LRIG1: variants seen among roughly 807,000 people sequenced by gnomAD.
The protein encoded by LRIG1 is leucine-rich repeats and immunoglobulin-like domains protein 1.
LRIG1 carries 48 observed loss-of-function variants against 99.2 expected under a neutral mutation model. The observed-to-expected ratio is 0.48, with a 90% CI of 0.38 to 0.62. The LOEUF is 0.62. Ranked by LOEUF, LRIG1 falls within the 20% of genes least tolerant of loss-of-function variation. LRIG1 has a pLI of 0.00. For missense variants in LRIG1, 1,646 were observed against 1,434.4 expected, an observed-to-expected ratio of 1.15 and a Z score of -2.38; for synonymous variants, 772 against 596.1, an observed-to-expected ratio of 1.29 and a Z score of -4.30.
At chr3:66,454,699 A>G (rs1317609637) in intron 2 of LRIG1, among the ~76,000 whole-genome samples, 1 of 152,202 alleles carries the variant, frequency 6.6e-6, no homozygotes, top group African/African-American at 2.4e-5. Flanking sequence ...TAGCTAAGGT[A>G]AAAGGATTCC....
At chr3:66,449,954 G>A (rs1703847072) in intron 3 of LRIG1, among the ~76,000 whole-genome samples, 1 of 152,210 alleles carries the variant, frequency 6.6e-6, no homozygotes, top group Non-Finnish European at 1.5e-5. Flanking sequence ...CAAGCTCGAA[G>A]CTAACTCAAT....
intron 1 of LRIG1, among the ~76,000 whole-genome samples, chr3:66,475,687 A>T (rs187532634): frequency 6.6e-6 from 1 of 152,246 alleles, no homozygotes; most frequent in Non-Finnish European, 1.5e-5. Context: ...TTAAGCTCAC[A>T]TAAGCACAGG....
intron 3 of LRIG1, among the ~76,000 whole-genome samples, chr3:66,420,940 A>C (rs972468281): frequency 6.6e-6 from 1 of 152,234 alleles, no homozygotes; most frequent in Non-Finnish European, 1.5e-5. Context: ...TCATGGCAGA[A>C]GGCAAAGAAG....
At position 66,466,310 on chromosome 3, in the gene LRIG1, T is replaced by C. The variant is rs6767757; in HGVS notation, c.219-3801A>G. On this transcript the variant is annotated intron_variant, in intron 1 of 18. Coordinates refer to ENST00000273261, the MANE Select transcript of LRIG1 (RefSeq NM_015541.3). ...CTCCCACCTCAGCCTCCCAAAGTGA[T>C]AGGATTACCGGAGTAAGCCACTGCA... 5.1e-3 allele frequency among the ~76,000 whole-genome samples: 783 copies of C among 152,312 alleles called. 3 individuals are homozygous for C. Among genetic ancestry groups the C allele is most frequent in the African/African-American group, 0.018 (731 of 41,570 alleles).
intron 2 of LRIG1, among the ~76,000 whole-genome samples, chr3:66,459,017 A>AC (rs1166170821): frequency 1.3e-5 from 2 of 151,484 alleles, no homozygotes; most frequent in Admixed American, 1.3e-4. Flanking sequence ...TCCATCTCAA[A>AC]AAAAAAAAAA....
chr3:66,425,710 AGT>A lies in LRIG1; in HGVS notation c.366-8446_366-8445del, dbSNP rs148035869. ...TTCTGCACTTATGGGGACCGGGGGA[AGT>A]GTGTGGTGGCCAGGTCACGTGGCAT... On this transcript the variant is annotated intron_variant, in intron 3 of 18. Transcript: ENST00000273261. Among the ~76,000 whole-genome samples the A allele has an allele frequency of 7.5e-3, 1,147 of 152,310 alleles. 18 individuals carry two copies. The highest frequency in any genetic ancestry group is 0.026 in the African/African-American group (1,095 of 41,568).
rs571530193 is a variant in LRIG1, at chr3:66,434,226, T to C, written c.366-16960A>G. On this transcript the variant is annotated intron_variant, in intron 3 of 18. Transcript: ENST00000273261. ...GTATCCAGAATATATATCCAGACTA[T>C]ACAAACATCTCACAAAACTCAAGAG... Among the ~76,000 whole-genome samples, 3 of 152,212 alleles carry C rather than the reference T, an allele frequency of 2.0e-5. No individual in the cohort carries two copies. In the East Asian group the frequency reaches 5.8e-4, roughly 29 times the overall value.
chr3:66,440,024 G>GA (rs371568086), intron 3 of LRIG1, among the ~76,000 whole-genome samples: 273 of 151,994 alleles, frequency 1.8e-3, no homozygotes, highest in African/African-American at 6.3e-3. Context: ...GAAAGAGGGG[G>GA]AAAAAAAGGA....
At chr3:66,405,947 T>G in intron 8 of LRIG1, 2 of 997,176 alleles carry the variant, frequency 2.0e-6, no homozygotes, top group Non-Finnish European at 2.4e-6. Context: ...GCTTCCCAGC[T>G]TCCAGGAGCA....
Position 66,462,513 on chromosome 3 carries a change from GT to G in LRIG1, c.219-5del, listed in dbSNP as rs778484555. On this transcript the variant is annotated splice_region_variant and splice_polypyrimidine_tract_variant and intron_variant, in intron 1 of 18. Transcript: ENST00000273261. The stretch of plus-strand genomic sequence containing the variant: ...GAGTTTGTTGTAACTCAGGTTTCTG[GT>G]AAAGACAGAGAGAGAAAAAAACGGA... 1.2e-6 allele frequency: 2 copies of G among 1,607,900 alleles called. No homozygotes were observed. The highest frequency in any genetic ancestry group is 3.4e-5 in the Admixed American group (2 of 59,560).
intron 8 of LRIG1, among the ~76,000 whole-genome samples, chr3:66,406,802 C>T (rs766700455): frequency 1.4e-4 from 22 of 152,114 alleles, no homozygotes; most frequent in Non-Finnish European, 4.4e-5. Context: ...TGACCCCCGA[C>T]GAGGTACAAG....
rs755071993 is a variant in LRIG1 at position 66,451,572 on chromosome 3, C to T, written c.352G>A (p.Val118Ile). ...PSLGAASSHV[V>I]SLFLQHNKIR... ...GGCACCACTTACAGAAAGAGAGAGA[C>T]GACATGTGATGAAGCAGCGCCCAGG... The change falls in exon 3 of 19, where the codon GTC (valine) becomes ATC (isoleucine). Residue 118 changes from valine (V) to isoleucine (I), a missense_variant. Val to Ile is a conservative substitution (Grantham distance 29). Transcript: ENST00000273261. The T allele has an allele frequency of 7.4e-6, 12 of 1,613,816 alleles. No individual in the cohort carries two copies. The highest frequency in any genetic ancestry group is 4.5e-5 in the East Asian group (2 of 44,878).
intron 3 of LRIG1, among the ~76,000 whole-genome samples, chr3:66,446,690 G>A (rs1703738763): frequency 6.6e-6 from 1 of 152,038 alleles, no homozygotes; most frequent in Admixed American, 6.5e-5. Context: ...ACAGGTGTGA[G>A]CCACCATGCC....
At chr3:66,446,821 T>C (rs945642933) in intron 3 of LRIG1, among the ~76,000 whole-genome samples, 1 of 151,774 alleles carries the variant, frequency 6.6e-6, no homozygotes, top group African/African-American at 2.4e-5. Flanking sequence ...TCCAGGTTCA[T>C]TTGTTAACAT....
intron 1 of LRIG1, among the ~76,000 whole-genome samples, chr3:66,486,374 G>A (rs1283900435): frequency 3.3e-5 from 5 of 152,054 alleles, no homozygotes; most frequent in Non-Finnish European, 5.9e-5. Flanking sequence ...CTTAACCACC[G>A]TGCGTCATGA....
chr3:66,396,727 G>A (rs144053663), intron 11 of LRIG1, among the ~76,000 whole-genome samples: 77 of 152,260 alleles, frequency 5.1e-4, no homozygotes, highest in African/African-American at 1.7e-3. Flanking sequence ...CCTTCTTCCC[G>A]TTTAAATTGA....
intron 7 of LRIG1, among the ~76,000 whole-genome samples, chr3:66,408,972 G>C (rs1702374186): frequency 6.8e-6 from 1 of 146,774 alleles, no homozygotes; most frequent in Non-Finnish European, 1.5e-5. Context: ...GGTGGGGGGA[G>C]GGGGGGAGGA....
chr3:66,466,056 G>C (rs773314957), intron 1 of LRIG1, among the ~76,000 whole-genome samples: 4 of 152,108 alleles, frequency 2.6e-5, no homozygotes, highest in Non-Finnish European at 5.9e-5. Context: ...TTTAGAGACA[G>C]GGTCTCACTC....
chr3:66,388,973 C>T (rs966187757), intron 12 of LRIG1, among the ~76,000 whole-genome samples: 7 of 152,018 alleles, frequency 4.6e-5, no homozygotes, highest in Middle Eastern at 3.2e-3. Context: ...ACACAGGATA[C>T]GTGTATTTTT....
Sources: allele counts gnomAD v4.1 joint callset (sites outside exome capture counted in the v4.1 genomes callset), GRCh38; gene constraint gnomAD v4.1.1; transcripts MANE v1.5; gene names NCBI Gene and HGNC (gene_info 2026-07-23, HGNC 2026-07-21).